Variants in TMEM132A observed in about 807,000 individuals in gnomAD.
TMEM132A encodes the protein GRP78-binding protein.
A neutral mutation model predicts 69.9 loss-of-function variants in TMEM132A; 48 were observed. That is an observed-to-expected ratio of 0.69 (90% CI 0.55 to 0.87). The LOEUF is 0.87. TMEM132A is among the 40% of genes least tolerant of loss of function. The pLI, the probability that TMEM132A is intolerant of heterozygous loss-of-function variation, is 0.00. For missense variants in TMEM132A, 1,287 were observed against 1,407.2 expected (o/e 0.91, Z 1.37); for synonymous variants, 577 against 613.7 (o/e 0.94, Z 0.88).
Position 60,935,212 on chromosome 11 carries a change from T to G in TMEM132A, c.1837-40T>G, listed in dbSNP as rs377321312. 1.0e-5 allele frequency: 16 copies of G among 1,555,282 alleles called. No individual in the cohort carries two copies. In the African/African-American group the frequency reaches 2.2e-4, roughly 21 times the overall value. ...GTTCCCTCTGGGTGGGGGCTGTCTG[T>G]ATGGAAGGCCCCCCACCTCCAGCTC... On this transcript the variant is annotated intron_variant, in intron 9 of 10. Transcript: ENST00000453848. This position sits in a 1 kb window ranked among gnomAD's most constrained non-coding sequence, Gnocchi z 5.0.
At position 60,935,222 on chromosome 11, in the gene TMEM132A, C is replaced by T. The variant is rs1487225212; in HGVS notation, c.1837-30C>T. 1.3e-6 allele frequency: 2 copies of T among 1,570,986 alleles called. No individual in the cohort carries two copies. The highest frequency in any genetic ancestry group is 3.7e-5 in the Admixed American group (2 of 53,956). ...GGTGGGGGCTGTCTGTATGGAAGGC[C>T]CCCCACCTCCAGCTCCTTTCCACCC... On this transcript the variant is annotated intron_variant, in intron 9 of 10. Transcript: ENST00000453848. This position sits in a 1 kb window ranked among gnomAD's most constrained non-coding sequence, Gnocchi z 5.0.
At chr11:60,934,111 G>A (rs1344278745) in intron 8 of TMEM132A, 5 of 371,962 alleles carry the variant, frequency 1.3e-5, no homozygotes, top group Non-Finnish European at 2.4e-5. Context: ...AGATGACACA[G>A]AGCTCAGGAA....
rs757140234 is a variant in TMEM132A, at chr11:60,932,134, G to T, written c.1356+7G>T. 24 of 1,528,028 alleles carry T rather than the reference G, an allele frequency of 1.6e-5. No homozygotes were observed. Among genetic ancestry groups the T allele is most frequent in the Non-Finnish European group, 2.1e-5 (24 of 1,140,250 alleles). 94.7% of individuals were successfully genotyped at this position (1,528,028 alleles called of 1,614,324 possible). ...CAACACACAGGTCCTGCAGGTGAGT[G>T]GCAGGTGCCCAGCTCATGTGAGTCT... is the stretch of plus-strand genomic sequence containing the variant. On this transcript the variant is annotated splice_region_variant and intron_variant, in intron 7 of 10. Coordinates refer to ENST00000453848, the MANE Select transcript of TMEM132A (RefSeq NM_178031.3).
Position 60,935,185 on chromosome 11 carries a change from C to T in TMEM132A, c.1837-67C>T, listed in dbSNP as rs1165985093. The T allele has an allele frequency of 5.4e-6, 8 of 1,479,354 alleles. No individual in the cohort carries two copies. The highest frequency in any genetic ancestry group is 3.7e-5 in the South Asian group (3 of 80,386). 91.6% of individuals were successfully genotyped at this position (1,479,354 alleles called of 1,614,324 possible). On this transcript the variant is annotated intron_variant, in intron 9 of 10. Coordinates refer to ENST00000453848, the MANE Select transcript of TMEM132A (RefSeq NM_178031.3). This position sits in a 1 kb window ranked among gnomAD's most constrained non-coding sequence, Gnocchi z 5.0. ...AGCCCGTGAGGGTGCTGGGAGCACC[C>T]GGTTCCCTCTGGGTGGGGGCTGTCT...
chr11:60,927,334 A>T lies in TMEM132A; in HGVS notation c.231A>T (p.Arg77=). The change falls in exon 2 of 11, where the codon CGA becomes CGT. Residue 77 remains arginine, a synonymous_variant. Transcript: ENST00000453848. ...YPPANSSLSS[R]SETFLLLQPW... ...CTGCCAACTCCTCTCTGAGCTCCCGATCTGAGACCTTTCTGCTCCTACAGC... is the reference window on the plus strand; with the variant it reads ...CTGCCAACTCCTCTCTGAGCTCCCGTTCTGAGACCTTTCTGCTCCTACAGC... 1 of 1,613,198 alleles carries T rather than the reference A, an allele frequency of 6.2e-7. No homozygotes were observed. The highest frequency in any genetic ancestry group is 8.5e-7 in the Non-Finnish European group (1 of 1,179,918).
intron 7 of TMEM132A, chr11:60,932,899 C>G (rs1027134249): frequency 6.6e-6 from 1 of 152,234 alleles, no homozygotes; most frequent in African/African-American, 2.4e-5. Context: ...CAGGTGGCTC[C>G]AAGAGCAATG....
chr11:60,936,630 AGGCCCCTACCCT>A lies in TMEM132A; in HGVS notation c.2803_2814del (p.Thr935_Pro938del). The A allele has an allele frequency of 6.4e-7, 1 of 1,569,236 alleles. No homozygotes were observed. The highest frequency in any genetic ancestry group is 1.2e-5 in the South Asian group (1 of 84,178). On this transcript the variant is annotated inframe_deletion, in exon 11 of 11. Transcript: ENST00000453848. ...CCCTGTGAGAGTGGGGGAGGAGGGG[AGGCCCCTACCCT>A]GGCCCCTGGCCCTCCTGGGGGCACC...
Position 60,936,410 on chromosome 11 carries a change from G to C in TMEM132A, c.2575G>C (p.Val859Leu), listed in dbSNP as rs61755079. The change falls in exon 11 of 11, where the codon GTG becomes CTG. Residue 859 changes from valine to leucine, a missense_variant. Val to Leu is a conservative substitution (Grantham distance 32). Coordinates refer to ENST00000453848, the MANE Select transcript of TMEM132A (RefSeq NM_178031.3). The stretch of plus-strand genomic sequence containing the variant: ...GTACGCCCTGCTGGGAGTCTTCTGC[G>C]TGGCCATCTTCATCTTCTTGGTCAA... ...GMYALLGVFCVAIFIFLVNGV... is the reference protein window; with the variant it reads ...GMYALLGVFCLAIFIFLVNGV... 1 of 1,614,008 alleles carries C rather than the reference G, an allele frequency of 6.2e-7. No individual in the cohort carries two copies. The highest frequency in any genetic ancestry group is 8.5e-7 in the Non-Finnish European group (1 of 1,179,990).
chr11:60,927,183 C>T (rs1856364645), intron 1 of TMEM132A, 21 bp from the exon 2 acceptor site: 6 of 1,605,756 alleles, frequency 3.7e-6, no homozygotes, highest in African/African-American at 1.3e-5. Context: ...GTCATCATCT[C>T]TCCCTCTTAT....
At position 60,928,718 on chromosome 11, in the gene TMEM132A, G is replaced by T; in HGVS notation, c.624G>T (p.Thr208=). The T allele has an allele frequency of 6.2e-7, 1 of 1,610,008 alleles. No homozygotes were observed. Among genetic ancestry groups the T allele is most frequent in the Non-Finnish European group, 8.5e-7 (1 of 1,178,934 alleles). The stretch of plus-strand genomic sequence containing the variant: ...CCACACGGGCCGAGCTGGCCTACAC[G>T]CTTGAGCCTGCAGCTGAGGGCCCTG... ...ASTTRAELAY[T]LEPAAEGPGG... Residue 208 remains threonine, a synonymous_variant, in exon 4 of 11, where the codon ACG becomes ACT. Coordinates refer to ENST00000453848, the MANE Select transcript of TMEM132A (RefSeq NM_178031.3).
chr11:60,935,579 T>A lies in TMEM132A; in HGVS notation c.2028+136T>A. The A allele has an allele frequency of 1.0e-6, 1 of 977,216 alleles. No individual in the cohort carries two copies. The highest frequency in any genetic ancestry group is 1.5e-6 in the Non-Finnish European group (1 of 669,218). The allele number at this position is 977,216 out of a possible 1,614,324, so 60.5% of individuals were successfully genotyped here. ...AGTGAGGACTGACTCTGTGAGGTAGTGAGCTCTCTGCAGCTGGAGGTGATC... is the reference window on the plus strand; with the variant it reads ...AGTGAGGACTGACTCTGTGAGGTAGAGAGCTCTCTGCAGCTGGAGGTGATC... On this transcript the variant is annotated intron_variant, in intron 10 of 10. Coordinates refer to ENST00000453848, the MANE Select transcript of TMEM132A (RefSeq NM_178031.3). The surrounding 1 kb of genome is among the most constrained non-coding windows in gnomAD (Gnocchi z 5.0).
Position 60,937,014 on chromosome 11 carries a change from C to T in TMEM132A, c.*107C>T. On this transcript the variant is annotated 3_prime_UTR_variant, in exon 11 of 11. Transcript: ENST00000453848. Reference sequence around the variant, plus strand: ...TCGTCTGGTGCTTGTTGATCCAAGTCCCCTGCCTGGTCCCCCACAAGGACT... The same window carrying T: ...TCGTCTGGTGCTTGTTGATCCAAGTTCCCTGCCTGGTCCCCCACAAGGACT... The T allele has an allele frequency of 7.8e-7, 1 of 1,285,960 alleles. No homozygotes were observed. The highest frequency in any genetic ancestry group is 1.0e-6 in the Non-Finnish European group (1 of 958,724). 79.7% of individuals were successfully genotyped at this position (1,285,960 alleles called of 1,614,324 possible).
chr11:60,934,348 C>A, intron 8 of TMEM132A, 140 bp from the exon 9 acceptor site: 1 of 769,586 alleles, frequency 1.3e-6, no homozygotes, highest in South Asian at 2.9e-5. Context: ...CCAAGAGGGG[C>A]GGATGTCTGC....
chr11:60,930,837 C>T (rs949284349), intron 5 of TMEM132A, among the ~76,000 whole-genome samples, 178 bp downstream of exon 5: 2 of 152,178 alleles, frequency 1.3e-5, no homozygotes, highest in Admixed American at 6.5e-5. Flanking sequence ...TTCATTCATT[C>T]GGCCACTATC....
At position 60,936,213 on chromosome 11, in the gene TMEM132A, G is replaced by A. The variant is rs1237952492; in HGVS notation, c.2378G>A (p.Gly793Asp). The A allele has an allele frequency of 6.2e-7, 1 of 1,614,072 alleles. No homozygotes were observed. The highest frequency in any genetic ancestry group is 2.2e-5 in the East Asian group (1 of 44,870). The change falls in exon 11 of 11, where the codon GGT (glycine) becomes GAT (aspartate). Residue 793 changes from glycine (G) to aspartate (D), a missense_variant. By Grantham distance (94) the Gly-to-Asp change is moderately conservative. Transcript: ENST00000453848. ...CCAGCCACAGAAGCCACCATGGGTG[G>A]TAAACGGCAGGTGGCAGGCAGTGTC... is the stretch of plus-strand genomic sequence containing the variant. The part of the protein sequence containing the change: ...SPPATEATMG[G>D]KRQVAGSVGG...
At chr11:60,927,143 C>A in intron 1 of TMEM132A, 61 bp from the exon 2 acceptor site, 1 of 1,456,188 alleles carries the variant, frequency 6.9e-7, no homozygotes, top group Non-Finnish European at 9.6e-7. Flanking sequence ...CAGCATGGCA[C>A]CCGGGTCAGC....
chr11:60,930,324 G>A (rs1000938560), intron 4 of TMEM132A, among the ~76,000 whole-genome samples, 186 bp from the exon 5 acceptor site: 1 of 152,200 alleles, frequency 6.6e-6, no homozygotes, highest in African/African-American at 2.4e-5. Context: ...TGGTCTTTGG[G>A]TGGGGGAGAG....
chr11:60,933,593 G>GC lies in TMEM132A; in HGVS notation c.1411dup (p.Arg471ProfsTer49). On this transcript the variant is annotated frameshift_variant, in exon 8 of 11. Coordinates refer to ENST00000453848, the MANE Select transcript of TMEM132A (RefSeq NM_178031.3). LOFTEE classifies it high-confidence loss of function. ...CGTGGCTGGCAAGGAGAGCCGGGGCGCCCGGGGGGTGCGAGTGGACTTCTG... is the reference window on the plus strand; with the variant it reads ...CGTGGCTGGCAAGGAGAGCCGGGGCGCCCCGGGGGGTGCGAGTGGACTTCTG... 1 of 1,607,412 alleles carries GC rather than the reference G, an allele frequency of 6.2e-7. No individual in the cohort carries two copies. Among genetic ancestry groups the GC allele is most frequent in the South Asian group, 1.1e-5 (1 of 90,892 alleles).
intron 8 of TMEM132A, 61 bp downstream of exon 8, chr11:60,933,805 G>C: frequency 6.9e-7 from 1 of 1,451,720 alleles, no homozygotes; most frequent in Non-Finnish European, 9.3e-7. Flanking sequence ...CGGAGAGGGC[G>C]CAGGGGACAC....
Sources: allele counts gnomAD v4.1 joint callset (sites outside exome capture counted in the v4.1 genomes callset), GRCh38; gene constraint gnomAD v4.1.1; non-coding constraint Gnocchi (gnomAD v3.1); transcripts MANE v1.5; gene names NCBI Gene and HGNC (gene_info 2026-07-23, HGNC 2026-07-21).